RAP1GAP2: variants seen among roughly 807,000 people sequenced by gnomAD.
RAP1GAP2 encodes RAP1 GTPase activating protein 2, also known as rap1 GTPase-activating protein 2.
In RAP1GAP2, 27 loss-of-function variants were observed where a neutral mutation model predicts 95.0. The ratio of observed to expected loss-of-function variants is 0.28; its 90% CI spans 0.21 to 0.39. The LOEUF (loss-of-function observed/expected upper bound fraction) is 0.39, where lower values mean the gene tolerates loss of function less well. RAP1GAP2 is among the 10% of genes least tolerant of loss of function. The pLI is 1.00. For missense variants in RAP1GAP2, 771 were observed against 970.0 expected (o/e 0.79, Z 2.72); for synonymous variants, 373 against 380.9 (o/e 0.98, Z 0.24).
intron 5 of RAP1GAP2, chr17:2,962,928 C>G (rs545935477): frequency 4.4e-5 from 25 of 573,900 alleles, no homozygotes; most frequent in Non-Finnish European, 6.6e-5. Flanking sequence ...AGCTTCAGAG[C>G]AGGCTGGGGG....
At chr17:3,024,081 A>G (rs1203793930) in intron 19 of RAP1GAP2, among the ~76,000 whole-genome samples, 1 of 152,156 alleles carries the variant, frequency 6.6e-6, no homozygotes, top group African/African-American at 2.4e-5. Context: ...GTACTGATTA[A>G]CGATTGCTTA....
At chr17:2,849,534 G>A (rs995552942) in intron 2 of RAP1GAP2, among the ~76,000 whole-genome samples, 2 of 152,218 alleles carry the variant, frequency 1.3e-5, no homozygotes, top group Non-Finnish European at 2.9e-5. Flanking sequence ...GGCCCCTCAG[G>A]AACGGGCTGT....
intron 1 of RAP1GAP2, among the ~76,000 whole-genome samples, chr17:2,781,607 GGTCTCTGTGTGAGCAC>G (rs1285736225): frequency 2.5e-4 from 27 of 108,996 alleles, no homozygotes; most frequent in East Asian, 1.8e-3. Context: ...TGTGTGTGCA[GGTCTCTGTGTGAGCAC>G]GTCTCTGTGT....
intron 17 of RAP1GAP2, among the ~76,000 whole-genome samples, chr17:3,012,605 CAAAAAAAAAAAAAAAA>C (rs71377567): frequency 1.7e-4 from 12 of 69,712 alleles, no homozygotes; most frequent in African/African-American, 2.4e-4. Flanking sequence ...GACTGTGTCT[CAAAAAAAAAAAAAAAA>C]AAAAAAAAAA....
chr17:2,796,248 C>T (rs1343457052), upstream of RAP1GAP2, among the ~76,000 whole-genome samples: 7 of 152,166 alleles, frequency 4.6e-5, no homozygotes, highest in Non-Finnish European at 4.4e-5. This position sits in a 1 kb window ranked among gnomAD's most constrained non-coding sequence, Gnocchi z 4.7. Context: ...ATCTGCCAGC[C>T]GAGCCCCTTC....
intron 3 of RAP1GAP2, among the ~76,000 whole-genome samples, chr17:2,915,132 C>T (rs561488147): frequency 5.9e-5 from 9 of 152,172 alleles, no homozygotes; most frequent in Non-Finnish European, 1.0e-4. Flanking sequence ...CTATGTCGCC[C>T]GGGTTGGTCT....
intron 8 of RAP1GAP2, among the ~76,000 whole-genome samples, chr17:2,978,269 A>T (rs182221297): frequency 3.3e-4 from 51 of 152,284 alleles, no homozygotes; most frequent in African/African-American, 1.2e-3. Flanking sequence ...TCTTTGTCAT[A>T]TCCAAAGTGC....
At chr17:2,954,828 G>A (rs1029383051) in intron 3 of RAP1GAP2, among the ~76,000 whole-genome samples, 2 of 151,896 alleles carry the variant, frequency 1.3e-5, no homozygotes, top group Non-Finnish European at 2.9e-5. Flanking sequence ...TCCTGACCTC[G>A]TGATCCGCCT....
rs998163717 is a variant in RAP1GAP2, at chr17:3,013,632, CTT to C, written c.1495-4409_1495-4408del. 3.7e-4 allele frequency among the ~76,000 whole-genome samples: 29 copies of C among 78,854 alleles called. 2 individuals are homozygous for C. The highest frequency in any genetic ancestry group is 2.7e-3 in the South Asian group (5 of 1,866). The allele number at this position is 78,854 out of a possible 152,430, so 51.7% of individuals were successfully genotyped here. A position where few individuals can be genotyped will look rare whatever the true frequency, so the allele number is the denominator to read the frequency against. On this transcript the variant is annotated intron_variant, in intron 17 of 24. Coordinates refer to ENST00000254695, the MANE Select transcript of RAP1GAP2 (RefSeq NM_015085.5). ...CTGAGTTTTTCTTTTCTTTTCTTTT[CTT>C]TTTTTTTTTTTTTTTTTTTGGTGGG...
chr17:2,875,313 T>C (rs1441064174), intron 2 of RAP1GAP2, among the ~76,000 whole-genome samples: 1 of 152,130 alleles, frequency 6.6e-6, no homozygotes, highest in African/African-American at 2.4e-5. Flanking sequence ...GTGGTCTGCC[T>C]GCCTCGGCCT....
At chr17:2,868,542 G>C (rs1597470933) in intron 2 of RAP1GAP2, among the ~76,000 whole-genome samples, 1 of 138,988 alleles carries the variant, frequency 7.2e-6, no homozygotes, top group African/African-American at 2.9e-5. Flanking sequence ...TTTTGAGATG[G>C]AGTCTTGCTC....
intron 2 of RAP1GAP2, among the ~76,000 whole-genome samples, chr17:2,880,941 ACATGGTGAAGCCC>A (rs1466955554): frequency 1.1e-4 from 17 of 152,124 alleles, no homozygotes; most frequent in African/African-American, 3.9e-4. Context: ...AGCCTGTCCA[ACATGGTGAAGCCC>A]CATCTCTACT....
chr17:2,979,754 T>C (rs1437143112), intron 8 of RAP1GAP2, among the ~76,000 whole-genome samples: 2 of 151,746 alleles, frequency 1.3e-5, no homozygotes, highest in Non-Finnish European at 1.5e-5. Flanking sequence ...CATGAGCCAC[T>C]GCCCCCAGCC....
intron 12 of RAP1GAP2, among the ~76,000 whole-genome samples, chr17:2,994,451 G>A (rs2151575254): frequency 6.6e-6 from 1 of 152,326 alleles, no homozygotes; most frequent in Middle Eastern, 3.4e-3. Flanking sequence ...TTGCCTGTGA[G>A]GAGACAGCCA....
At chr17:2,830,706 T>TCTGTCTCAAAACAAAA (rs1042809342) in intron 2 of RAP1GAP2, among the ~76,000 whole-genome samples, 1 of 152,008 alleles carries the variant, frequency 6.6e-6, no homozygotes, top group African/African-American at 2.4e-5. Flanking sequence ...AGAATGAGAC[T>TCTGTCTCAAAACAAAA]CTGTCTCAAA....
intron 3 of RAP1GAP2, among the ~76,000 whole-genome samples, chr17:2,940,996 A>G (rs2043472633): frequency 1.3e-5 from 2 of 151,998 alleles, no homozygotes; most frequent in South Asian, 4.2e-4. Flanking sequence ...GGGACCGGGG[A>G]CCTTGTGACC....
intron 3 of RAP1GAP2, among the ~76,000 whole-genome samples, chr17:2,915,192 G>T (rs1405914822): frequency 6.6e-6 from 1 of 152,122 alleles, no homozygotes; most frequent in Non-Finnish European, 1.5e-5. Context: ...AAATTGTTGG[G>T]ATTACAAGCT....
rs192161464 is a variant in RAP1GAP2 at position 3,005,878 on chromosome 17, C to T, written c.1273-77C>T. The T allele has an allele frequency of 1.4e-4, 196 of 1,384,440 alleles. No individual in the cohort carries two copies. The African/African-American group carries it at 2.2e-3, about 16-fold the overall frequency. The allele number at this position is 1,384,440 out of a possible 1,614,324, so 85.8% of individuals were successfully genotyped here. A position where few individuals can be genotyped will look rare whatever the true frequency, so the allele number is the denominator to read the frequency against. ...GTTCTCCCCATGGCCCCGGCTCTGCCTGCCTGTCACTGTGGCTGAAGACCT... is the reference window on the plus strand; with the variant it reads ...GTTCTCCCCATGGCCCCGGCTCTGCTTGCCTGTCACTGTGGCTGAAGACCT... On this transcript the variant is annotated intron_variant, in intron 15 of 24. Coordinates refer to ENST00000254695, the MANE Select transcript of RAP1GAP2 (RefSeq NM_015085.5). The surrounding 1 kb of genome is among the most constrained non-coding windows in gnomAD (Gnocchi z 5.2).
At chr17:2,874,548 C>T (rs979720718) in intron 2 of RAP1GAP2, among the ~76,000 whole-genome samples, 13 of 151,880 alleles carry the variant, frequency 8.6e-5, no homozygotes, top group African/African-American at 1.7e-4. Context: ...ATAAGAATGA[C>T]GTGGAGAGGA....
Sources: gnomAD v4.1 joint callset for allele counts (sites outside exome capture counted in the v4.1 genomes callset) on GRCh38, gnomAD v4.1.1 for gene constraint, Gnocchi (gnomAD v3.1) non-coding constraint, MANE v1.5 for transcripts, NCBI Gene and HGNC (gene_info 2026-07-23, HGNC 2026-07-21) for gene names.